The following ECEL1 variants were observed in gnomAD, a reference collection of about 807,000 sequenced individuals.
ECEL1 encodes the protein endothelin-converting enzyme-like 1.
ECEL1 carries 87 observed loss-of-function variants against 101.8 expected under a neutral mutation model. The observed-to-expected ratio is 0.85, with a 90% CI of 0.72 to 1.02. The LOEUF (loss-of-function observed/expected upper bound fraction) is 1.02, where lower values mean the gene tolerates loss of function less well. Ranked by LOEUF, ECEL1 falls within the 50% of genes least tolerant of loss-of-function variation. The probability of loss-of-function intolerance (pLI) is 0.00; values close to 1 mark genes in which losing one functional copy is unlikely to be tolerated. For missense variants in ECEL1, 1,032 were observed against 1,079.2 expected (o/e 0.96, Z 0.61); for synonymous variants, 487 against 468.7 (o/e 1.04, Z -0.50).
chr2:232,480,330 C>T, intron 17 of ECEL1, 69 bp downstream of exon 17: 4 of 1,612,538 alleles, frequency 2.5e-6, no homozygotes, highest in South Asian at 1.1e-5. Context: ...ACTTTTATTC[C>T]TTCCCATGCC....
At chr2:232,481,449 C>T in intron 14 of ECEL1, 57 bp downstream of exon 14, 1 of 1,560,094 alleles carries the variant, frequency 6.4e-7, no homozygotes, top group Non-Finnish European at 8.7e-7. Flanking sequence ...GTGCGTGATG[C>T]TCCCGGCCCG....
chr2:232,485,361 G>T, intron 2 of ECEL1, 94 bp from the exon 3 acceptor site: 1 of 1,408,356 alleles, frequency 7.1e-7, no homozygotes, highest in Non-Finnish European at 9.7e-7. Flanking sequence ...AGAGCAACCA[G>T]ACATCCATGA....
Position 232,480,024 on chromosome 2 carries a change from G to T in ECEL1, c.*129C>A. On this transcript the variant is annotated 3_prime_UTR_variant, in exon 18 of 18. Coordinates refer to ENST00000304546, the MANE Select transcript of ECEL1 (RefSeq NM_004826.4). Reference sequence around the variant, plus strand: ...TGAAGTGAGGGGCAGCAGGGGGACCGGGTCCTGGAGGGGCTGGAAGGCAGG... The same window carrying T: ...TGAAGTGAGGGGCAGCAGGGGGACCTGGTCCTGGAGGGGCTGGAAGGCAGG... 1.2e-6 allele frequency: 1 copy of T among 845,890 alleles called. No individual in the cohort carries two copies. The highest frequency in any genetic ancestry group is 1.9e-6 in the Non-Finnish European group (1 of 534,176). The allele number at this position is 845,890 out of a possible 1,614,324, so 52.4% of individuals were successfully genotyped here.
Position 232,480,013 on chromosome 2 carries a change from G to A in ECEL1, c.*140C>T, listed in dbSNP as rs1160524753. The A allele has an allele frequency of 1.3e-5, 10 of 755,014 alleles. No homozygotes were observed. The highest frequency in any genetic ancestry group is 3.9e-4 in the Middle Eastern group (1 of 2,590). The allele number at this position is 755,014 out of a possible 1,614,324, so 46.8% of individuals were successfully genotyped here. ...CAGGCCCCTCCTGAAGTGAGGGGCAGCAGGGGGACCGGGTCCTGGAGGGGC... is the reference window on the plus strand; with the variant it reads ...CAGGCCCCTCCTGAAGTGAGGGGCAACAGGGGGACCGGGTCCTGGAGGGGC... On this transcript the variant is annotated 3_prime_UTR_variant, in exon 18 of 18. Coordinates refer to ENST00000304546, the MANE Select transcript of ECEL1 (RefSeq NM_004826.4).
In ECEL1 at chr2:232,480,212, C is replaced by A. The variant is rs1474879792; in HGVS notation, c.2269G>T (p.Ala757Ser). 6.2e-7 allele frequency: 1 copy of A among 1,613,814 alleles called. No homozygotes were observed. The highest frequency in any genetic ancestry group is 1.3e-5 in the African/African-American group (1 of 74,860). The change falls in exon 18 of 18, where the codon GCT becomes TCT. Residue 757 changes from alanine to serine, a missense_variant. Transcript: ENST00000304546. ...SVSQFEEFGR[A>S]FHCPKDSPMN... is the part of the protein sequence containing the mutation. The stretch of plus-strand genomic sequence containing the variant: ...GGTGAGTCCTTGGGACAGTGGAAAG[C>A]CCGGCCAAACTCCTCAAACTGGGAC...
At position 232,480,831 on chromosome 2, in the gene ECEL1, A is replaced by G. The variant is rs528183067; in HGVS notation, c.2056-18T>C. 6.2e-6 allele frequency: 10 copies of G among 1,607,936 alleles called. 1 individual carries two copies. Among genetic ancestry groups the G allele is most frequent in the Middle Eastern group, 1.7e-4 (1 of 6,042 alleles). On this transcript the variant is annotated intron_variant, in intron 15 of 17. Transcript: ENST00000304546. ...TGATAGGCCTGGGGACACAGAGAGC[A>G]TGGACCTGCTATGCCCGCCCACCCT...
At chr2:232,480,900 G>C in intron 15 of ECEL1, 87 bp from the exon 16 acceptor site, 1 of 1,410,198 alleles carries the variant, frequency 7.1e-7, no homozygotes, top group Non-Finnish European at 9.7e-7. Context: ...AGCCCTCCCT[G>C]CTCTCCCTGT....
In ECEL1 at chr2:232,481,627, C is replaced by T. The variant is rs138272112; in HGVS notation, c.1868G>A (p.Gly623Asp). ...CAGGTTCCCTGAGCGGTCATACTGG[C>T]CCCCTGTGGGCAGTGCAGCAGGCTG... Reference protein sequence around the residue: ...ELTHGYDDWGGQYDRSGNLLH... With the variant: ...ELTHGYDDWGDQYDRSGNLLH... Residue 623 changes from glycine to aspartate, a missense_variant, in exon 14 of 18, where the codon GGC becomes GAC. Transcript: ENST00000304546. 2 of 1,613,626 alleles carry T rather than the reference C, an allele frequency of 1.2e-6. No individual in the cohort carries two copies. The highest frequency in any genetic ancestry group is 1.1e-5 in the South Asian group (1 of 91,076).
intron 8 of ECEL1, 39 bp downstream of exon 8, chr2:232,483,377 A>G (rs1195303608): frequency 6.3e-7 from 1 of 1,581,636 alleles, no homozygotes; most frequent in East Asian, 2.2e-5. Context: ...GGTGCTCAAT[A>G]TATATGGGAC....
In ECEL1 at chr2:232,485,909, C is replaced by A. The variant is rs1448894651; in HGVS notation, c.745G>T (p.Val249Phe). 14 of 1,572,132 alleles carry A rather than the reference C, an allele frequency of 8.9e-6. No individual in the cohort carries two copies. Among genetic ancestry groups the A allele is most frequent in the Non-Finnish European group, 1.2e-5 (14 of 1,161,298 alleles). The change falls in exon 2 of 18, where the codon GTC becomes TTC. Residue 249 changes from valine to phenylalanine, a missense_variant. Transcript: ENST00000304546. Reference protein sequence around the residue: ...YSAAALFSLTVSLDDRNSSRY... With the variant: ...YSAAALFSLTFSLDDRNSSRY... ...GAGGAGTTCCTGTCGTCCAGGCTGA[C>A]CGTGAGCGAGAAGAGCGCGGCGGCG...
chr2:232,481,396 C>G, intron 14 of ECEL1, 110 bp downstream of exon 14: 4 of 1,503,192 alleles, frequency 2.7e-6, no homozygotes, highest in Non-Finnish European at 3.6e-6. Context: ...GTGCAGGGAC[C>G]TGGGCACAGG....
Position 232,481,123 on chromosome 2 carries a change from C to T in ECEL1, c.2023G>A (p.Ala675Thr), listed in dbSNP as rs606231471. 10 of 1,568,684 alleles carry T rather than the reference C, an allele frequency of 6.4e-6. No homozygotes were observed. In the East Asian group the frequency reaches 9.4e-5, roughly 15 times the overall value. Residue 675 changes from alanine to threonine, a missense_variant, in exon 15 of 18, where the codon GCA becomes ACA. Physicochemically the swap from Ala to Thr is moderately conservative, Grantham distance 58 (BLOSUM62 0). Coordinates refer to ENST00000304546, the MANE Select transcript of ECEL1 (RefSeq NM_004826.4). ...NGKHTLGENI[A>T]DMGGLKLAYH... ...GCCAGCTTGAGGCCGCCCATATCTG[C>T]GATGTTCTCCCCAAGCGTGTGTTTC...
intron 5 of ECEL1, 76 bp downstream of exon 5, chr2:232,484,725 G>A: frequency 6.2e-7 from 1 of 1,602,914 alleles, no homozygotes; most frequent in Non-Finnish European, 8.5e-7. Flanking sequence ...CCATCTCTGG[G>A]GAGAGATGAC....
Position 232,484,071 on chromosome 2 carries a change from T to G in ECEL1, c.1337A>C (p.Asn446Thr). The G allele has an allele frequency of 6.2e-7, 1 of 1,613,142 alleles. No individual in the cohort carries two copies. The highest frequency in any genetic ancestry group is 8.5e-7 in the Non-Finnish European group (1 of 1,179,370). The change falls in exon 7 of 18, where the codon AAT (asparagine) becomes ACT (threonine). Residue 446 changes from asparagine (N) to threonine (T), a missense_variant. By Grantham distance (65) the Asn-to-Thr change is moderately conservative. Transcript: ENST00000304546. ...GCCAAGCGCCATGCCAAAGTGGCGA[T>G]TGGCCTGGCCCAAGCAGACCCGGGC... ...ELARVCLGQANRHFGMALGAL... is the reference protein window; with the variant it reads ...ELARVCLGQATRHFGMALGAL...
In ECEL1 at chr2:232,486,474, C is replaced by T; in HGVS notation, c.180G>A (p.Val60=). Residue 60 remains valine (V), a synonymous_variant, in exon 2 of 18, where the codon GTG becomes GTA. Coordinates refer to ENST00000304546, the MANE Select transcript of ECEL1 (RefSeq NM_004826.4). The stretch of plus-strand genomic sequence containing the variant: ...CGAACACCAGCCCCGACAGCAGGCA[C>T]ACCTCGCGCCGGTTCCAGCGCGGCA... ...SGLPRWNRRE[V]CLLSGLVFAA... is the part of the protein sequence containing the mutation. 1 of 1,429,372 alleles carries T rather than the reference C, an allele frequency of 7.0e-7. No homozygotes were observed. The highest frequency in any genetic ancestry group is 1.4e-5 in the South Asian group (1 of 69,232). 88.5% of individuals were successfully genotyped at this position (1,429,372 alleles called of 1,614,324 possible). A position where few individuals can be genotyped will look rare whatever the true frequency, so the allele number is the denominator to read the frequency against.
At chr2:232,480,999 G>C (rs1236208398) in intron 15 of ECEL1, 92 bp downstream of exon 15, 1 of 1,487,090 alleles carries the variant, frequency 6.7e-7, no homozygotes, top group Admixed American at 2.0e-5. Flanking sequence ...TCAGCAGGGT[G>C]GGCAGGGAGA....
chr2:232,482,300 C>T, intron 12 of ECEL1, 118 bp downstream of exon 12: 1 of 1,421,108 alleles, frequency 7.0e-7, no homozygotes, highest in Non-Finnish European at 9.9e-7. Context: ...GTCCTGACTC[C>T]TGAACCCAGC....
chr2:232,483,517 G>A lies in ECEL1; in HGVS notation c.1408-3C>T. ...ATGTCTTCCACTAGCTGCTGCACCT[G>A]CAGGGTCAGGGGTCAGGGAGCAAGG... On this transcript the variant is annotated splice_region_variant and splice_polypyrimidine_tract_variant and intron_variant, in intron 7 of 17. Transcript: ENST00000304546. 1 of 1,604,430 alleles carries A rather than the reference G, an allele frequency of 6.2e-7. No homozygotes were observed. Among genetic ancestry groups the A allele is most frequent in the Admixed American group, 1.7e-5 (1 of 58,836 alleles).
chr2:232,486,290 G>T lies in ECEL1; in HGVS notation c.364C>A (p.Pro122Thr). ...GCGAACGAGTAGAAGTCCTGGCATGGGTCGATGCTGGCGTCCAGGTTGGCG... is the reference window on the plus strand; with the variant it reads ...GCGAACGAGTAGAAGTCCTGGCATGTGTCGATGCTGGCGTCCAGGTTGGCG... ...LAANLDASID[P>T]CQDFYSFACG... The change falls in exon 2 of 18, where the codon CCA becomes ACA. Residue 122 changes from proline to threonine, a missense_variant. Pro to Thr is a conservative substitution (Grantham distance 38). Coordinates refer to ENST00000304546, the MANE Select transcript of ECEL1 (RefSeq NM_004826.4). 6.3e-7 allele frequency: 1 copy of T among 1,594,794 alleles called. No homozygotes were observed.
Sources: allele counts gnomAD v4.1 joint callset, GRCh38; gene constraint gnomAD v4.1.1; transcripts MANE v1.5; gene names NCBI Gene and HGNC (gene_info 2026-07-23, HGNC 2026-07-21).